Variants in STOX2 observed in about 807,000 individuals in gnomAD.
STOX2 encodes the protein storkhead box 2, also known as storkhead-box protein 2.
In STOX2, 28 loss-of-function variants were observed where a neutral mutation model predicts 60.9. That is an observed-to-expected ratio of 0.46 (90% confidence interval 0.34 to 0.63). The LOEUF (loss-of-function observed/expected upper bound fraction) is 0.63. Among genes scored for constraint, STOX2 ranks in the 30% least tolerant of loss-of-function variants. The pLI, the probability that STOX2 is intolerant of heterozygous loss-of-function variation, is 0.01. For missense variants in STOX2, 1,024 were observed against 1,187.7 expected (o/e 0.86, Z 2.03); for synonymous variants, 472 against 463.9 (o/e 1.02, Z -0.22).
chr4:183,958,819 G>A (rs1320134948), intron 1 of STOX2, among the ~76,000 whole-genome samples: 2 of 152,110 alleles, frequency 1.3e-5, no homozygotes, highest in African/African-American at 2.4e-5. Flanking sequence ...AACTCTGTAC[G>A]GCTTCCTTGA....
chr4:183,936,310 A>ACT (rs903471974), intron 1 of STOX2, among the ~76,000 whole-genome samples: 5 of 151,484 alleles, frequency 3.3e-5, no homozygotes, highest in African/African-American at 1.2e-4. Context: ...AGCCCACCTG[A>ACT]CTCTACTCAG....
At chr4:183,812,891 A>C (rs1560827088) in intron 1 of STOX2, among the ~76,000 whole-genome samples, 2 of 152,202 alleles carry the variant, frequency 1.3e-5, no homozygotes. Context: ...TCATACCAAA[A>C]AGATTGTCCA....
At chr4:183,850,019 A>G (rs1042697941) in intron 1 of STOX2, among the ~76,000 whole-genome samples, 2 of 151,074 alleles carry the variant, frequency 1.3e-5, no homozygotes, top group Non-Finnish European at 2.9e-5. Flanking sequence ...GCTGTAGTGC[A>G]GTGGCAAGAT....
At chr4:183,903,564 G>A (rs61245007), upstream of STOX2, among the ~76,000 whole-genome samples, 4,601 of 152,284 alleles carry the variant, frequency 0.03, 238 homozygotes, top group African/African-American at 0.11. Flanking sequence ...CAGGGCTTGC[G>A]TATTCTAGAC....
At chr4:183,801,709 G>C (rs912113088) in intron 1 of STOX2, among the ~76,000 whole-genome samples, 3 of 152,180 alleles carry the variant, frequency 2.0e-5, no homozygotes, top group Admixed American at 6.5e-5. Context: ...AAGGCTTGGG[G>C]TTGGAGAGTT....
chr4:183,911,294 C>G (rs1741774093), intron 1 of STOX2, among the ~76,000 whole-genome samples: 1 of 152,186 alleles, frequency 6.6e-6, no homozygotes, highest in Admixed American at 6.5e-5. Context: ...AGGACTCGCC[C>G]TGATGACCAG....
chr4:183,816,240 C>T (rs957953576), intron 1 of STOX2, among the ~76,000 whole-genome samples: 9 of 152,072 alleles, frequency 5.9e-5, no homozygotes, highest in Non-Finnish European at 1.0e-4. Context: ...AAAATGGTGA[C>T]GTCAATAGCA....
intron 1 of STOX2, among the ~76,000 whole-genome samples, chr4:183,884,106 G>A (rs553524233): frequency 9.2e-5 from 14 of 152,070 alleles, no homozygotes; most frequent in Non-Finnish European, 1.6e-4. Flanking sequence ...CGCCCCCCTC[G>A]GCCTCCCAAA....
At chr4:183,969,358 A>C (rs1743671540) in intron 1 of STOX2, among the ~76,000 whole-genome samples, 1 of 152,210 alleles carries the variant, frequency 6.6e-6, no homozygotes, top group African/African-American at 2.4e-5. Flanking sequence ...GCTTTCGCAA[A>C]TTTAGAATTA....
chr4:183,805,461 T>C (rs1342200879), intron 1 of STOX2, among the ~76,000 whole-genome samples: 1 of 152,200 alleles, frequency 6.6e-6, no homozygotes, highest in Admixed American at 6.5e-5. Flanking sequence ...ACTATAATAA[T>C]AGCTAGATCT....
chr4:183,882,386 T>G (rs926981750), intron 1 of STOX2, among the ~76,000 whole-genome samples: 7 of 152,224 alleles, frequency 4.6e-5, no homozygotes, highest in African/African-American at 1.2e-4. Flanking sequence ...ACAGGGCATT[T>G]CCCAGACGTA....
In STOX2 at chr4:183,899,479, G is replaced by A. The variant is rs1287736701; in HGVS notation, c.364+101424G>A. On this transcript the variant is annotated intron_variant, in intron 1 of 2. Transcript: ENST00000513034. ...GTGCTACCCCAATGAACACACGAAT[G>A]ATAAGAAAGCAAAACAGACTTAATG... is the stretch of plus-strand genomic sequence containing the variant. Among the ~76,000 whole-genome samples, 4 of 152,208 alleles carry A rather than the reference G, an allele frequency of 2.6e-5. No individual in the cohort carries two copies. The East Asian group carries it at 7.7e-4, about 29-fold the overall frequency.
chr4:183,853,926 A>G (rs1213202911), intron 1 of STOX2: 2 of 152,238 alleles, frequency 1.3e-5, no homozygotes, highest in African/African-American at 4.8e-5. Context: ...AATGCTTCAT[A>G]AAACCTGACT....
intron 1 of STOX2, among the ~76,000 whole-genome samples, chr4:183,910,611 A>G (rs1164915569): frequency 6.6e-6 from 1 of 152,094 alleles, no homozygotes; most frequent in African/African-American, 2.4e-5. Context: ...TAATTTTTTC[A>G]TTATACAGGT....
At chr4:183,970,139 CGTGTGTGTGTGT>C (rs3042606) in intron 1 of STOX2, among the ~76,000 whole-genome samples, 37 of 126,902 alleles carry the variant, frequency 2.9e-4, no homozygotes, top group Admixed American at 7.0e-4. Context: ...ACTACATGTA[CGTGTGTGTGTGT>C]GTGTGTGTGT....
At chr4:183,884,829 T>G (rs1741044228) in intron 1 of STOX2, among the ~76,000 whole-genome samples, 1 of 152,126 alleles carries the variant, frequency 6.6e-6, no homozygotes, top group Non-Finnish European at 1.5e-5. Flanking sequence ...AGAGAAACGT[T>G]AGGGAGAGTG....
chr4:183,998,568 G>T (rs1219329846), intron 1 of STOX2, among the ~76,000 whole-genome samples: 3 of 152,294 alleles, frequency 2.0e-5, no homozygotes, highest in African/African-American at 7.2e-5. Flanking sequence ...TAGAGACAGG[G>T]TCTCGCTCTG....
chr4:183,964,669 G>A (rs1388506576), intron 1 of STOX2, among the ~76,000 whole-genome samples: 1 of 148,134 alleles, frequency 6.8e-6, no homozygotes, highest in African/African-American at 2.5e-5. Context: ...TGCAACCCCC[G>A]CCTCCCAGGT....
In STOX2 at chr4:183,940,131, G is replaced by C. The variant is rs184408805; in HGVS notation, c.166+33175G>C. On this transcript the variant is annotated intron_variant, in intron 1 of 3. Coordinates refer to ENST00000308497, the MANE Select transcript of STOX2 (RefSeq NM_020225.3). The stretch of plus-strand genomic sequence containing the variant: ...CTGGACAGGCCGGCCTCGAACTCCT[G>C]ACCTCAGGTGATTCACCTGCCTTGA... Among the ~76,000 whole-genome samples the C allele has an allele frequency of 4.3e-4, 65 of 152,290 alleles. 1 individual carries two copies. Among genetic ancestry groups the C allele is most frequent in the Non-Finnish European group, 7.5e-4 (51 of 68,030 alleles).
Sources: allele counts gnomAD v4.1 joint callset (sites outside exome capture counted in the v4.1 genomes callset), GRCh38; gene constraint gnomAD v4.1.1; transcripts MANE v1.5; gene names NCBI Gene and HGNC (gene_info 2026-07-23, HGNC 2026-07-21).